CNTNAP5: variants seen among roughly 807,000 people sequenced by gnomAD.
CNTNAP5 encodes the protein contactin associated protein family member 5, also known as contactin-associated protein-like 5.
CNTNAP5 carries 72 observed loss-of-function variants against 150.2 expected under a neutral mutation model. That is an observed-to-expected ratio of 0.48 (90% CI 0.40 to 0.58). CNTNAP5 has a LOEUF of 0.58. Ranked by LOEUF, CNTNAP5 falls within the 20% of genes least tolerant of loss-of-function variation. The pLI is 0.00. For missense variants in CNTNAP5, 1,636 were observed against 1,626.2 expected (o/e 1.01, Z -0.10); for synonymous variants, 672 against 619.8 (o/e 1.08, Z -1.25).
chr2:124,787,494 A>T (rs1461619829), intron 17 of CNTNAP5, among the ~76,000 whole-genome samples: 1 of 152,174 alleles, frequency 6.6e-6, no homozygotes, highest in Non-Finnish European at 1.5e-5. Context: ...TGTATTCTAT[A>T]AATCATTACT....
chr2:124,361,865 T>C (rs1690211268), intron 3 of CNTNAP5, among the ~76,000 whole-genome samples: 3 of 152,172 alleles, frequency 2.0e-5, no homozygotes, highest in Non-Finnish European at 4.4e-5. Flanking sequence ...CTGCTTTGTT[T>C]ACCTAAGCAA....
rs150415382 is a variant in CNTNAP5 at position 124,915,195 on chromosome 2, TACACACACACAC to T, written c.*919_*930del. The T allele has an allele frequency of 6.7e-6, 1 of 149,650 alleles. No individual in the cohort carries two copies. Among genetic ancestry groups the T allele is most frequent in the African/African-American group, 2.8e-5 (1 of 35,792 alleles). The allele number at this position is 149,650 out of a possible 1,614,324, so 9.3% of individuals were successfully genotyped here. A position where few individuals can be genotyped will look rare whatever the true frequency, so the allele number is the denominator to read the frequency against. ...ATGTATATATATATGTGAGTATATATACACACACACACACACACACACATATATATATATACA... is the reference window on the plus strand; with the variant it reads ...ATGTATATATATATGTGAGTATATATACACACACACATATATATATATACA... On this transcript the variant is annotated 3_prime_UTR_variant, in exon 24 of 24. Transcript: ENST00000682447.
At chr2:124,358,611 G>A (rs1267708891) in intron 3 of CNTNAP5, among the ~76,000 whole-genome samples, 1 of 152,184 alleles carries the variant, frequency 6.6e-6, no homozygotes, top group Non-Finnish European at 1.5e-5. Flanking sequence ...TACATTTACT[G>A]ATTTGCATAT....
chr2:124,620,351 A>G (rs1022748211), intron 12 of CNTNAP5, among the ~76,000 whole-genome samples: 2 of 152,090 alleles, frequency 1.3e-5, no homozygotes, highest in African/African-American at 4.8e-5. Flanking sequence ...TTTAATCTTG[A>G]CTGAGCTTGA....
chr2:124,641,020 G>A (rs1466784991), intron 12 of CNTNAP5, among the ~76,000 whole-genome samples: 2 of 151,104 alleles, frequency 1.3e-5, no homozygotes, highest in Non-Finnish European at 2.9e-5. Context: ...CAGCTACTTG[G>A]AAGGCTGAGG....
At chr2:124,373,272 AT>A (rs1339550860) in intron 3 of CNTNAP5, among the ~76,000 whole-genome samples, 2 of 152,160 alleles carry the variant, frequency 1.3e-5, no homozygotes, top group African/African-American at 2.4e-5. Context: ...TGCTGTATAA[AT>A]TGGAAACAAC....
At chr2:124,400,770 T>G (rs760543885) in intron 3 of CNTNAP5, among the ~76,000 whole-genome samples, 5 of 151,748 alleles carry the variant, frequency 3.3e-5, no homozygotes, top group Non-Finnish European at 7.4e-5. Flanking sequence ...TGCCATATGT[T>G]GGAGCTGCCA....
At chr2:124,833,334 A>G (rs1682759140) in intron 19 of CNTNAP5, among the ~76,000 whole-genome samples, 2 of 152,144 alleles carry the variant, frequency 1.3e-5, no homozygotes, top group Admixed American at 6.6e-5. Context: ...GAGACTCAGG[A>G]GAGACCCACC....
chr2:124,101,368 C>T (rs1395111987), intron 1 of CNTNAP5, among the ~76,000 whole-genome samples: 2 of 152,112 alleles, frequency 1.3e-5, no homozygotes, highest in African/African-American at 4.8e-5. Flanking sequence ...TCAGATCCCA[C>T]GCTCATTAAT....
At chr2:124,133,890 G>T (rs1332279388) in intron 1 of CNTNAP5, among the ~76,000 whole-genome samples, 1 of 152,136 alleles carries the variant, frequency 6.6e-6, no homozygotes, top group African/African-American at 2.4e-5. Flanking sequence ...GTAAATTTTT[G>T]AATGAATGAA....
chr2:124,497,240 G>A (rs375768666), intron 7 of CNTNAP5, among the ~76,000 whole-genome samples: 12 of 152,128 alleles, frequency 7.9e-5, no homozygotes, highest in African/African-American at 2.9e-4. Flanking sequence ...GGTGTCTTTG[G>A]GTAGTGAAAG....
At chr2:124,798,762 G>A (rs1167205962) in intron 19 of CNTNAP5, among the ~76,000 whole-genome samples, 6 of 152,132 alleles carry the variant, frequency 3.9e-5, no homozygotes, top group African/African-American at 1.4e-4. Flanking sequence ...AGGTCTTAGA[G>A]AGAAGTAGTT....
intron 1 of CNTNAP5, among the ~76,000 whole-genome samples, chr2:124,198,623 G>A (rs1685647206): frequency 6.6e-6 from 1 of 151,978 alleles, no homozygotes; most frequent in Admixed American, 6.6e-5. Flanking sequence ...TTTTGTCCAC[G>A]TGTACCCAGA....
At position 124,655,990 on chromosome 2, in the gene CNTNAP5, AG is replaced by A. The variant is rs1558722560; in HGVS notation, c.2077+8033del. On this transcript the variant is annotated intron_variant, in intron 13 of 23. Transcript: ENST00000682447. The stretch of plus-strand genomic sequence containing the variant: ...AAGAAAGAAAGAAAGAAAGAAAGAA[AG>A]AAAGAAAAAAGGAAGGAAGGAAGGA... 8.8e-3 allele frequency among the ~76,000 whole-genome samples: 1,293 copies of A among 147,328 alleles called. 4 individuals carry two copies. The highest frequency in any genetic ancestry group is 0.014 in the Non-Finnish European group (951 of 66,192).
chr2:124,605,871 A>T (rs962767067), intron 11 of CNTNAP5, among the ~76,000 whole-genome samples: 4 of 151,012 alleles, frequency 2.6e-5, no homozygotes, highest in African/African-American at 9.7e-5. Flanking sequence ...AAGAATTATT[A>T]TATTTAACTT....
At chr2:124,406,743 C>T (rs1691581556) in intron 3 of CNTNAP5, among the ~76,000 whole-genome samples, 1 of 152,096 alleles carries the variant, frequency 6.6e-6, no homozygotes, top group South Asian at 2.1e-4. Context: ...ATATATAATA[C>T]ATGTTGTTGT....
At chr2:124,191,889 A>C (rs1480847220) in intron 1 of CNTNAP5, among the ~76,000 whole-genome samples, 1 of 151,388 alleles carries the variant, frequency 6.6e-6, no homozygotes, top group Non-Finnish European at 1.5e-5. Flanking sequence ...ACAGAGCGAG[A>C]CTCCATCTCT....
At chr2:124,136,987 C>T (rs1683988591) in intron 1 of CNTNAP5, among the ~76,000 whole-genome samples, 1 of 152,202 alleles carries the variant, frequency 6.6e-6, no homozygotes, top group Non-Finnish European at 1.5e-5. Context: ...TGTGACCTCT[C>T]TAACCTAGGC....
At chr2:124,558,484 G>A (rs186227724) in intron 10 of CNTNAP5, among the ~76,000 whole-genome samples, 2 of 151,806 alleles carry the variant, frequency 1.3e-5, no homozygotes, top group East Asian at 1.9e-4. Flanking sequence ...CTGCGTAGAG[G>A]AGTCTGGAGT....
Sources: gnomAD v4.1 joint callset for allele counts (sites outside exome capture counted in the v4.1 genomes callset) on GRCh38, gnomAD v4.1.1 for gene constraint, MANE v1.5 for transcripts, NCBI Gene and HGNC (gene_info 2026-07-23, HGNC 2026-07-21) for gene names.